The following EEPD1 variants were observed in gnomAD, a reference collection of about 807,000 sequenced individuals.
EEPD1 encodes the protein endonuclease/exonuclease/phosphatase family domain containing 1, also known as endonuclease/exonuclease/phosphatase family domain-containing protein 1.
A neutral mutation model predicts 46.3 loss-of-function variants in EEPD1; 17 were observed. The ratio of observed to expected loss-of-function variants is 0.37; its 90% CI spans 0.25 to 0.55. The LOEUF (loss-of-function observed/expected upper bound fraction) is 0.55, where lower values mean the gene tolerates loss of function less well. Ranked by LOEUF, EEPD1 falls within the 20% of genes least tolerant of loss-of-function variation. EEPD1 has a pLI of 0.83. For synonymous variants in EEPD1, 313 were observed against 315.6 expected, an observed-to-expected ratio of 0.99 and a Z score of 0.09; for missense variants, 673 against 745.6, an observed-to-expected ratio of 0.90 and a Z score of 1.13.
chr7:36,227,936 C>T (rs1296423616), intron 2 of EEPD1, among the ~76,000 whole-genome samples: 2 of 152,090 alleles, frequency 1.3e-5, no homozygotes, highest in Non-Finnish European at 1.5e-5. Flanking sequence ...AATCCGCACA[C>T]CTCAGCCTCC....
At chr7:36,179,633 G>A (rs1226871085) in intron 2 of EEPD1, among the ~76,000 whole-genome samples, 1 of 150,248 alleles carries the variant, frequency 6.7e-6, no homozygotes, top group Non-Finnish European at 1.5e-5. Flanking sequence ...GGCCAAGGTG[G>A]GCAGATCATT....
At chr7:36,242,420 C>T (rs1048599512) in intron 3 of EEPD1, among the ~76,000 whole-genome samples, 1 of 152,136 alleles carries the variant, frequency 6.6e-6, no homozygotes, top group Non-Finnish European at 1.5e-5. Flanking sequence ...GAGCCAAATT[C>T]GCTGAGTTTC....
At chr7:36,214,258 T>C (rs1314520279) in intron 2 of EEPD1, among the ~76,000 whole-genome samples, 1 of 152,118 alleles carries the variant, frequency 6.6e-6, no homozygotes, top group Admixed American at 6.5e-5. Flanking sequence ...GGGACAAATA[T>C]GGAAGAAGGA....
chr7:36,295,486 C>T (rs1302660821), intron 6 of EEPD1, among the ~76,000 whole-genome samples: 5 of 152,180 alleles, frequency 3.3e-5, no homozygotes, highest in South Asian at 2.1e-4. Flanking sequence ...ATCCCTTGTG[C>T]AGCAGAATTC....
At chr7:36,242,271 G>A (rs1055216441) in intron 3 of EEPD1, among the ~76,000 whole-genome samples, 4 of 152,166 alleles carry the variant, frequency 2.6e-5, no homozygotes, top group African/African-American at 9.7e-5. Context: ...TGCTGCCCAT[G>A]TTCTTTCCTA....
chr7:36,248,334 T>C (rs1436139710), intron 3 of EEPD1, among the ~76,000 whole-genome samples: 1 of 151,686 alleles, frequency 6.6e-6, no homozygotes, highest in Admixed American at 6.6e-5. Flanking sequence ...GCCTCCCGAC[T>C]AGCTGGAATT....
chr7:36,252,640 C>T (rs998121293), intron 3 of EEPD1, among the ~76,000 whole-genome samples: 5 of 151,740 alleles, frequency 3.3e-5, no homozygotes, highest in African/African-American at 9.7e-5. Context: ...CACGTGTATT[C>T]GAAGGTACCA....
chr7:36,273,129 T>TACACACACACACACACACACACAC (rs10578694), intron 3 of EEPD1, among the ~76,000 whole-genome samples: 4 of 148,438 alleles, frequency 2.7e-5, no homozygotes, highest in Non-Finnish European at 4.5e-5. Context: ...GGTGCATGCT[T>TACACACACACACACACACACACAC]ACACACACAC....
At chr7:36,223,574 C>T (rs892322520) in intron 2 of EEPD1, among the ~76,000 whole-genome samples, 3 of 152,074 alleles carry the variant, frequency 2.0e-5, no homozygotes, top group Admixed American at 6.6e-5. Flanking sequence ...ATAGTAGATG[C>T]GTAGTAAATA....
At chr7:36,232,558 C>T (rs1396085123) in intron 2 of EEPD1, among the ~76,000 whole-genome samples, 2 of 151,120 alleles carry the variant, frequency 1.3e-5, no homozygotes, top group African/African-American at 2.4e-5. Context: ...TGCCCCTCCC[C>T]CTACTCCTAA....
intron 3 of EEPD1, among the ~76,000 whole-genome samples, chr7:36,270,609 A>G (rs1434075630): frequency 6.6e-6 from 1 of 152,168 alleles, no homozygotes; most frequent in East Asian, 1.9e-4. Context: ...TTCCAGCTTC[A>G]TCCATGTCCC....
chr7:36,180,041 G>A (rs911890832), intron 2 of EEPD1, among the ~76,000 whole-genome samples: 1 of 152,202 alleles, frequency 6.6e-6, no homozygotes, highest in Non-Finnish European at 1.5e-5. Flanking sequence ...AAACTGAGCC[G>A]TGGCTCCCAG....
At chr7:36,246,893 A>G (rs1786649212) in intron 3 of EEPD1, among the ~76,000 whole-genome samples, 1 of 152,190 alleles carries the variant, frequency 6.6e-6, no homozygotes, top group South Asian at 2.1e-4. Context: ...TGGGAGGCCA[A>G]GGCGGGTGGA....
intron 2 of EEPD1, among the ~76,000 whole-genome samples, chr7:36,199,932 G>A (rs934945551): frequency 6.6e-6 from 1 of 152,108 alleles, no homozygotes; most frequent in African/African-American, 2.4e-5. Flanking sequence ...ACGCTCCGTG[G>A]GACACCTGGC....
intron 3 of EEPD1, among the ~76,000 whole-genome samples, chr7:36,252,400 G>A (rs1192376306): frequency 1.3e-5 from 2 of 152,104 alleles, no homozygotes; most frequent in Non-Finnish European, 2.9e-5. Flanking sequence ...GAGTTTTGCT[G>A]GCCTGTCATG....
At chr7:36,166,176 A>T (rs1191975958) in intron 2 of EEPD1, among the ~76,000 whole-genome samples, 1 of 152,244 alleles carries the variant, frequency 6.6e-6, no homozygotes, top group African/African-American at 2.4e-5. Context: ...GTATTACAGT[A>T]TACCTTTGCT....
intron 3 of EEPD1, among the ~76,000 whole-genome samples, chr7:36,260,470 G>T (rs910241148): frequency 6.6e-6 from 1 of 152,166 alleles, no homozygotes; most frequent in African/African-American, 2.4e-5. Flanking sequence ...GGGGCTGAAG[G>T]CCACCATATT....
At chr7:36,231,305 T>C (rs1438552578) in intron 2 of EEPD1, among the ~76,000 whole-genome samples, 1 of 152,208 alleles carries the variant, frequency 6.6e-6, no homozygotes, top group Non-Finnish European at 1.5e-5. Context: ...TAAGTGTTGC[T>C]CATCCTGACT....
intron 2 of EEPD1, among the ~76,000 whole-genome samples, chr7:36,222,287 T>C (rs1786159551): frequency 6.6e-6 from 1 of 152,212 alleles, no homozygotes; most frequent in African/African-American, 2.4e-5. Context: ...ATTAAGAGAA[T>C]CATAAGGAAG....
Sources: gnomAD v4.1 joint callset for allele counts (sites outside exome capture counted in the v4.1 genomes callset) on GRCh38, gnomAD v4.1.1 for gene constraint, MANE v1.5 for transcripts, NCBI Gene and HGNC (gene_info 2026-07-23, HGNC 2026-07-21) for gene names.